Variants in ATP2A3 observed in about 807,000 individuals in gnomAD.
ATP2A3 encodes the protein ATPase sarcoplasmic/endoplasmic reticulum Ca2+ transporting 3.
In ATP2A3, 61 loss-of-function variants were observed where a neutral mutation model predicts 106.8. That is an observed-to-expected ratio of 0.57 (90% CI 0.46 to 0.71). ATP2A3 has a LOEUF of 0.71. Among genes scored for constraint, ATP2A3 ranks in the 30% least tolerant of loss-of-function variants. The probability of loss-of-function intolerance (pLI) is 0.00; values close to 1 mark genes in which losing one functional copy is unlikely to be tolerated. For synonymous variants in ATP2A3, 611 were observed against 609.3 expected (o/e 1.00, Z -0.04); for missense variants, 1,201 against 1,423.5 (o/e 0.84, Z 2.52).
intron 15 of ATP2A3, 68 bp downstream of exon 15, chr17:3,937,348 G>A: frequency 1.3e-6 from 2 of 1,528,604 alleles, no homozygotes; most frequent in Non-Finnish European, 1.8e-6. Flanking sequence ...CGAGGAACAG[G>A]CGTTTTCCCC....
chr17:3,953,496 G>A lies in ATP2A3; in HGVS notation c.137-67C>T. The A allele has an allele frequency of 1.3e-6, 2 of 1,573,768 alleles. No homozygotes were observed. Among genetic ancestry groups the A allele is most frequent in the South Asian group, 2.2e-5 (2 of 90,140 alleles). ...GACCCTGCCCACTCAGAGCTGGGAT[G>A]GCCCGGGAGACCTCCCGGCCCATTC... On this transcript the variant is annotated intron_variant, in intron 2 of 20. Coordinates refer to ENST00000397041, the MANE Select transcript of ATP2A3 (RefSeq NM_005173.4). This position sits in a 1 kb window ranked among gnomAD's most constrained non-coding sequence, Gnocchi z 5.1.
At position 3,944,760 on chromosome 17, in the gene ATP2A3, C is replaced by T. The variant is rs1377456684; in HGVS notation, c.1231G>A (p.Val411Met). 3.1e-6 allele frequency: 5 copies of T among 1,612,932 alleles called. No individual in the cohort carries two copies. Among genetic ancestry groups the T allele is most frequent in the African/African-American group, 1.3e-5 (1 of 74,862 alleles). ...AGGGCGCAGATGGTCGCCAGCTCCA[C>T]CAGCCCGTCGAACTGGCCGCAGCGC... ...PVRCGQFDGL[V>M]ELATICALCN... The change falls in exon 10 of 21, where the codon GTG becomes ATG. Residue 411 changes from valine to methionine, a missense_variant. Transcript: ENST00000397041.
In ATP2A3 at chr17:3,947,691, A is replaced by C. The variant is rs760008508; in HGVS notation, c.795T>G (p.Ser265=). The change falls in exon 8 of 21, where the codon TCT becomes TCG. Residue 265 remains serine, a synonymous_variant. Coordinates refer to ENST00000397041, the MANE Select transcript of ATP2A3 (RefSeq NM_005173.4). This position sits in a 1 kb window ranked among gnomAD's most constrained non-coding sequence, Gnocchi z 7.7. ...TGACCCACACGGCCACGCAGATCACAGAGATGGCGTGGGACAGCTGCCGTC... is the reference window on the plus strand; with the variant it reads ...TGACCCACACGGCCACGCAGATCACCGAGATGGCGTGGGACAGCTGCCGTC... ...EFGRQLSHAI[S]VICVAVWVIN... The C allele has an allele frequency of 1.2e-6, 2 of 1,611,912 alleles. No individual in the cohort carries two copies. The highest frequency in any genetic ancestry group is 3.3e-5 in the Admixed American group (2 of 60,016).
Position 3,953,774 on chromosome 17 carries a change from C to T in ATP2A3, c.119-64G>A. ...AAGAGAGGAGTGGGTCACGCAGGGG[C>T]CTCGGGGGAGTCTGGCAGTGCCTCC... On this transcript the variant is annotated intron_variant, in intron 1 of 20. Coordinates refer to ENST00000397041, the MANE Select transcript of ATP2A3 (RefSeq NM_005173.4). This position sits in a 1 kb window ranked among gnomAD's most constrained non-coding sequence, Gnocchi z 5.1. 1.9e-6 allele frequency: 3 copies of T among 1,541,040 alleles called. No individual in the cohort carries two copies. The highest frequency in any genetic ancestry group is 2.0e-5 in the Admixed American group (1 of 51,246).
In ATP2A3 at chr17:3,941,009, C is replaced by G. The variant is rs1445064106; in HGVS notation, c.2062G>C (p.Val688Leu). 1 of 1,613,828 alleles carries G rather than the reference C, an allele frequency of 6.2e-7. No homozygotes were observed. Among genetic ancestry groups the G allele is most frequent in the Non-Finnish European group, 8.5e-7 (1 of 1,179,842 alleles). ...RVEPAHKSRIVENLQSFNEIT... is the reference protein window; with the variant it reads ...RVEPAHKSRILENLQSFNEIT... ...TCGTTAAAGGACTGCAGGTTCTCCA[C>G]GATGCGGGACTTGTGTGCGGGCTCC... The change falls in exon 14 of 21, where the codon GTG becomes CTG. Residue 688 changes from valine to leucine, a missense_variant. Val to Leu is a conservative substitution (Grantham distance 32, BLOSUM62 1). Around this residue, in one of 2 missense-constraint regions of ATP2A3, gnomAD observed 935 missense variants for 1,176.7 expected, o/e 0.79. Coordinates refer to ENST00000397041, the MANE Select transcript of ATP2A3 (RefSeq NM_005173.4).
Position 3,941,276 on chromosome 17 carries a change from T to C in ATP2A3, c.1795A>G (p.Met599Val). The C allele has an allele frequency of 3.1e-6, 5 of 1,613,672 alleles. No individual in the cohort carries two copies. The highest frequency in any genetic ancestry group is 4.2e-6 in the Non-Finnish European group (5 of 1,179,968). The stretch of plus-strand genomic sequence containing the variant: ...ACCTCAGGTCGCGGCGGGTCCAGCA[T>C]GCCTACGCAGCCCACGAAGGTCAGG... The part of the protein sequence containing the change: ...TDLTFVGCVG[M>V]LDPPRPEVAA... The change falls in exon 14 of 21, where the codon ATG (methionine) becomes GTG (valine). Residue 599 changes from methionine (M) to valine (V), a missense_variant. This residue lies in a region of ATP2A3 where 935 missense variants were observed against 1,176.7 expected (regional missense o/e 0.79). Transcript: ENST00000397041.
chr17:3,934,989 G>A (rs1407742936), intron 17 of ATP2A3: 28 of 603,690 alleles, frequency 4.6e-5, no homozygotes, highest in Non-Finnish European at 7.4e-5. Context: ...ATGGGGAGGC[G>A]CCTTTGGCTT....
Position 3,925,854 on chromosome 17 carries a change from A to AG in ATP2A3, c.2981-414dup, listed in dbSNP as rs1315441264. Among the ~76,000 whole-genome samples the AG allele has an allele frequency of 6.6e-6, 1 of 152,014 alleles. No individual in the cohort carries two copies. The highest frequency in any genetic ancestry group is 1.5e-5 in the Non-Finnish European group (1 of 67,984). On this transcript the variant is annotated intron_variant, in intron 20 of 20. Coordinates refer to ENST00000397041, the MANE Select transcript of ATP2A3 (RefSeq NM_005173.4). The surrounding 1 kb of genome is among the most constrained non-coding windows in gnomAD (Gnocchi z 4.2). ...CACTGCCTTCCCCAACCAGGCCTCA[A>AG]GGCCTCAAGGCCTGCCGCCCTGCCC...
chr17:3,928,976 C>T lies in ATP2A3; in HGVS notation c.2863-196G>A, dbSNP rs1409127192. Among the ~76,000 whole-genome samples, 4 of 150,968 alleles carry T rather than the reference C, an allele frequency of 2.6e-5. No individual in the cohort carries two copies. Among genetic ancestry groups the T allele is most frequent in the African/African-American group, 4.9e-5 (2 of 40,666 alleles). On this transcript the variant is annotated intron_variant, in intron 19 of 20. Transcript: ENST00000397041. This position sits in a 1 kb window ranked among gnomAD's most constrained non-coding sequence, Gnocchi z 6.1. The stretch of plus-strand genomic sequence containing the variant: ...TGTCTGTTCAGCTGCACCCCCCAAT[C>T]TTTGTCCGCTCAGCTTCCTCTGCCT...
chr17:3,925,860 C>T lies in ATP2A3; in HGVS notation c.2981-419G>A, dbSNP rs969128495. ...CTTCCCCAACCAGGCCTCAAGGCCT[C>T]AAGGCCTGCCGCCCTGCCCCCAGCC... On this transcript the variant is annotated intron_variant, in intron 20 of 20. Coordinates refer to ENST00000397041, the MANE Select transcript of ATP2A3 (RefSeq NM_005173.4). The surrounding 1 kb of genome is among the most constrained non-coding windows in gnomAD (Gnocchi z 4.2). Among the ~76,000 whole-genome samples the T allele has an allele frequency of 3.9e-5, 6 of 152,084 alleles. No individual in the cohort carries two copies. Among genetic ancestry groups the T allele is most frequent in the African/African-American group, 1.4e-4 (6 of 41,398 alleles).
At chr17:3,952,324 C>T (rs1331429863) in intron 3 of ATP2A3, among the ~76,000 whole-genome samples, 1 of 152,218 alleles carries the variant, frequency 6.6e-6, no homozygotes, top group South Asian at 2.1e-4. Context: ...CCCGCCTCGG[C>T]CTGCCAAAGT....
intron 7 of ATP2A3, among the ~76,000 whole-genome samples, chr17:3,950,019 G>A (rs1405662586): frequency 2.0e-5 from 3 of 151,636 alleles, no homozygotes; most frequent in Non-Finnish European, 2.9e-5. Flanking sequence ...AAAATTAGCC[G>A]GGTGTGGTGG....
In ATP2A3 at chr17:3,928,984, G is replaced by A. The variant is rs1314151548; in HGVS notation, c.2863-204C>T. On this transcript the variant is annotated intron_variant, in intron 19 of 20. Transcript: ENST00000397041. This position sits in a 1 kb window ranked among gnomAD's most constrained non-coding sequence, Gnocchi z 6.1. ...CAGCTGCACCCCCCAATCTTTGTCCGCTCAGCTTCCTCTGCCTCAAGGGCC... is the reference window on the plus strand; with the variant it reads ...CAGCTGCACCCCCCAATCTTTGTCCACTCAGCTTCCTCTGCCTCAAGGGCC... 6.7e-6 allele frequency among the ~76,000 whole-genome samples: 1 copy of A among 148,618 alleles called. No homozygotes were observed. Among genetic ancestry groups the A allele is most frequent in the Non-Finnish European group, 1.5e-5 (1 of 67,692 alleles).
Position 3,953,551 on chromosome 17 carries a change from A to G in ATP2A3, c.137-122T>C. ...CCTGCACTCAGAAGAGGGAGAACCC[A>G]GGTCGCTGAGAGGCTCAGGTGGGTG... On this transcript the variant is annotated intron_variant, in intron 2 of 20. Coordinates refer to ENST00000397041, the MANE Select transcript of ATP2A3 (RefSeq NM_005173.4). This position sits in a 1 kb window ranked among gnomAD's most constrained non-coding sequence, Gnocchi z 5.1. 6.7e-7 allele frequency: 1 copy of G among 1,483,976 alleles called. No individual in the cohort carries two copies. Among genetic ancestry groups the G allele is most frequent in the Non-Finnish European group, 9.3e-7 (1 of 1,079,034 alleles). 91.9% of individuals were successfully genotyped at this position (1,483,976 alleles called of 1,614,324 possible).
chr17:3,964,265 G>A lies in ATP2A3; in HGVS notation c.27C>T (p.Ala9=). The part of the protein sequence containing the change: MEAAHLLP[A]ADVLRHFSVT... The stretch of plus-strand genomic sequence containing the variant: ...CCGAGAAGTGGCGCAGCACGTCGGC[G>A]GCCGGGAGCAGATGCGCCGCCTCCA... The change falls in exon 1 of 21, where the codon GCC becomes GCT. Residue 9 remains alanine, a synonymous_variant. Coordinates refer to ENST00000397041, the MANE Select transcript of ATP2A3 (RefSeq NM_005173.4). 1.6e-6 allele frequency: 2 copies of A among 1,279,460 alleles called. No homozygotes were observed. The highest frequency in any genetic ancestry group is 1.7e-5 in the South Asian group (1 of 58,940). The allele number at this position is 1,279,460 out of a possible 1,614,324, so 79.3% of individuals were successfully genotyped here.
chr17:3,943,899 C>T (rs907915995), intron 10 of ATP2A3, among the ~76,000 whole-genome samples: 4 of 152,146 alleles, frequency 2.6e-5, no homozygotes, highest in Non-Finnish European at 4.4e-5. Flanking sequence ...CCTTGTTCCC[C>T]GGGGACCCCT....
In ATP2A3 at chr17:3,951,304, A is replaced by C; in HGVS notation, c.410T>G (p.Val137Gly). The change falls in exon 5 of 21, where the codon GTG (valine) becomes GGG (glycine). Residue 137 changes from valine (V) to glycine (G), a missense_variant. Around this residue, in one of 2 missense-constraint regions of ATP2A3, gnomAD observed 266 missense variants for 246.8 expected, o/e 1.08. Transcript: ENST00000397041. ...GKVIRSDRKG[V>G]QRIRARDIVP... ...GATGTCCCGGGCACGGATCCTCTGCACGCCCTTGCGGTCCGAGCGGATCAC... is the reference window on the plus strand; with the variant it reads ...GATGTCCCGGGCACGGATCCTCTGCCCGCCCTTGCGGTCCGAGCGGATCAC... The C allele has an allele frequency of 6.2e-7, 1 of 1,613,840 alleles. No homozygotes were observed. The highest frequency in any genetic ancestry group is 8.5e-7 in the Non-Finnish European group (1 of 1,179,992).
Position 3,947,681 on chromosome 17 carries a change from C to G in ATP2A3, c.805G>C (p.Val269Leu). 1.2e-6 allele frequency: 2 copies of G among 1,612,124 alleles called. No individual in the cohort carries two copies. Among genetic ancestry groups the G allele is most frequent in the Non-Finnish European group, 1.7e-6 (2 of 1,179,890 alleles). The change falls in exon 8 of 21, where the codon GTG becomes CTG. Residue 269 changes from valine to leucine, a missense_variant. Coordinates refer to ENST00000397041, the MANE Select transcript of ATP2A3 (RefSeq NM_005173.4). This position sits in a 1 kb window ranked among gnomAD's most constrained non-coding sequence, Gnocchi z 7.7. Reference protein sequence around the residue: ...QLSHAISVICVAVWVINIGHF... With the variant: ...QLSHAISVICLAVWVINIGHF... The stretch of plus-strand genomic sequence containing the variant: ...CCGATGTTGATGACCCACACGGCCA[C>G]GCAGATCACAGAGATGGCGTGGGAC...
At position 3,958,865 on chromosome 17, in the gene ATP2A3, TATATAC is replaced by T. The variant is rs1391923296; in HGVS notation, c.119-5161_119-5156del. On this transcript the variant is annotated intron_variant, in intron 1 of 20. Coordinates refer to ENST00000397041, the MANE Select transcript of ATP2A3 (RefSeq NM_005173.4). ...ACATATATAAATATATATATATATA[TATATAC>T]ACACACACACACACACATATATATA... Among the ~76,000 whole-genome samples the T allele has an allele frequency of 6.7e-4, 77 of 115,040 alleles. 5 individuals are homozygous for T. Among genetic ancestry groups the T allele is most frequent in the African/African-American group, 3.0e-3 (71 of 23,366 alleles). 75.5% of individuals were successfully genotyped at this position (115,040 alleles called of 152,430 possible).
Sources: gnomAD v4.1 joint callset for allele counts (sites outside exome capture counted in the v4.1 genomes callset) on GRCh38, gnomAD v4.1.1 for gene constraint, gnomAD v4.1.1 regional missense constraint, Gnocchi (gnomAD v3.1) non-coding constraint, MANE v1.5 for transcripts, NCBI Gene and HGNC (gene_info 2026-07-23, HGNC 2026-07-21) for gene names.